Variants in RELN observed in about 807,000 individuals in gnomAD.
The protein encoded by RELN is reelin.
A neutral mutation model predicts 427.6 loss-of-function variants in RELN; 108 were observed. The observed-to-expected ratio is 0.25, with a 90% CI of 0.22 to 0.30. RELN has a LOEUF of 0.30. Among genes scored for constraint, RELN ranks in the 10% least tolerant of loss-of-function variants. The pLI is 1.00. For synonymous variants in RELN, 1,524 were observed against 1,513.4 expected (o/e 1.01, Z -0.16); for missense variants, 3,715 against 4,302.8 (o/e 0.86, Z 3.82).
chr7:103,587,685 G>A (rs1485721206), intron 28 of RELN, among the ~76,000 whole-genome samples: 2 of 151,966 alleles, frequency 1.3e-5, no homozygotes, highest in East Asian at 3.9e-4. Context: ...AACAGCAACA[G>A]AAATAAATAA....
intron 4 of RELN, among the ~76,000 whole-genome samples, chr7:103,774,260 G>A (rs1791680316): frequency 6.9e-6 from 1 of 145,822 alleles, no homozygotes; most frequent in African/African-American, 2.6e-5. Context: ...TTACGTCACT[G>A]CACTCCAGCC....
At chr7:103,711,878 C>CA (rs1157546920) in intron 8 of RELN, among the ~76,000 whole-genome samples, 1 of 152,070 alleles carries the variant, frequency 6.6e-6, no homozygotes, top group Non-Finnish European at 1.5e-5. Context: ...AGGATCGTCT[C>CA]AAACTCCTGG....
intron 1 of RELN, among the ~76,000 whole-genome samples, chr7:103,956,147 C>G (rs141517696): frequency 3.3e-5 from 5 of 152,296 alleles, no homozygotes; most frequent in Non-Finnish European, 5.9e-5. Flanking sequence ...ACTGCTTTAT[C>G]TACATTGCTC....
intron 1 of RELN, 146 bp from the exon 2 acceptor site, chr7:103,917,331 A>G (rs1469753722): frequency 8.7e-6 from 6 of 688,764 alleles, no homozygotes; most frequent in Non-Finnish European, 1.5e-5. Context: ...TTGTATGAGA[A>G]ATTACAGAGG....
chr7:103,750,115 G>A (rs620774), intron 5 of RELN, among the ~76,000 whole-genome samples: 70,696 of 151,958 alleles, frequency 0.47, 17,089 homozygotes, highest in Non-Finnish European at 0.55. Context: ...GAGTAGCTGG[G>A]ATTACAGGTG....
intron 2 of RELN, among the ~76,000 whole-genome samples, chr7:103,916,204 G>C (rs1456150404): frequency 6.6e-6 from 1 of 152,094 alleles, no homozygotes; most frequent in East Asian, 1.9e-4. Context: ...GCTGGGACTT[G>C]ACACTTCATA....
intron 1 of RELN, among the ~76,000 whole-genome samples, chr7:103,977,824 G>T (rs995943452): frequency 2.2e-4 from 33 of 152,174 alleles, no homozygotes; most frequent in African/African-American, 7.7e-4. Context: ...CTGGCAAGCA[G>T]AGTACCCTGA....
At chr7:103,598,092 A>G (rs1346513651) in intron 24 of RELN, among the ~76,000 whole-genome samples, 1 of 152,186 alleles carries the variant, frequency 6.6e-6, no homozygotes, top group Non-Finnish European at 1.5e-5. Context: ...TAATTAAGAA[A>G]GGGTTTCGGT....
intron 2 of RELN, among the ~76,000 whole-genome samples, chr7:103,866,310 A>G (rs570540161): frequency 2.0e-5 from 3 of 152,240 alleles, no homozygotes; most frequent in Middle Eastern, 3.4e-3. Flanking sequence ...TAAAGTTGAG[A>G]AAAACATATC....
intron 6 of RELN, among the ~76,000 whole-genome samples, chr7:103,748,139 GT>G (rs11307252): frequency 0.26 from 34,558 of 135,052 alleles, 4,411 homozygotes; most frequent in East Asian, 0.33. Context: ...ACTTAGAAAG[GT>G]TTTTTTTTTT....
At chr7:103,854,859 C>T (rs1050659382) in intron 2 of RELN, among the ~76,000 whole-genome samples, 1 of 152,082 alleles carries the variant, frequency 6.6e-6, no homozygotes, top group African/African-American at 2.4e-5. Flanking sequence ...GCTAAAGATG[C>T]CCTGAGGGCT....
In RELN at chr7:103,753,169, C is replaced by G. The variant is rs370642982; in HGVS notation, c.577+13G>C. ...GTACTAAAGTTAATGACATCAGAGT[C>G]TTAAACACTTACCTAGATGTGGGTG... On this transcript the variant is annotated intron_variant, in intron 5 of 64. Transcript: ENST00000428762. The G allele has an allele frequency of 1.2e-6, 2 of 1,613,700 alleles. No individual in the cohort carries two copies. The highest frequency in any genetic ancestry group is 1.7e-6 in the Non-Finnish European group (2 of 1,179,724).
At chr7:103,478,504 GCAATATAGGATTTTT>G (rs1828115645) in intron 63 of RELN, 110 bp from the exon 64 acceptor site, 5 of 691,094 alleles carry the variant, frequency 7.2e-6, no homozygotes, top group Middle Eastern at 2.4e-4. Context: ...AGGTTTAGAC[GCAATATAGGATTTTT>G]CATCTCTTTT....
At chr7:103,778,030 T>C (rs1310004257) in intron 3 of RELN, among the ~76,000 whole-genome samples, 2 of 152,216 alleles carry the variant, frequency 1.3e-5, no homozygotes, top group African/African-American at 4.8e-5. Flanking sequence ...CGTCAGCCCT[T>C]GTTGTTGCAT....
At chr7:103,793,358 G>C (rs1172141085) in intron 3 of RELN, among the ~76,000 whole-genome samples, 1 of 152,136 alleles carries the variant, frequency 6.6e-6, no homozygotes, top group Non-Finnish European at 1.5e-5. Context: ...ACCATGTTTT[G>C]ATAAATTAAA....
At chr7:103,484,256 CCATAATTTCCAAGTT>C (rs1192144183) in intron 61 of RELN, 6 of 212,722 alleles carry the variant, frequency 2.8e-5, no homozygotes, top group African/African-American at 1.2e-4. Flanking sequence ...TTCCTAAAGT[CCATAATTTCCAAGTT>C]CATAATATAA....
chr7:103,574,108 C>G lies in RELN; in HGVS notation c.4495G>C (p.Asp1499His), dbSNP rs200428576. ...GKREARTVPL[D>H]TRNIRLVQFY... ...ACTTGTTACCTGATATTCCTGGTGT[C>G]CAGAGGGACCGTCCGGGCTTCCCTT... Residue 1499 changes from aspartate to histidine, a missense_variant, in exon 30 of 65, where the codon GAC becomes CAC. Coordinates refer to ENST00000428762, the MANE Select transcript of RELN (RefSeq NM_005045.4). 1.2e-4 allele frequency: 191 copies of G among 1,613,858 alleles called. No homozygotes were observed. The highest frequency in any genetic ancestry group is 1.4e-4 in the Non-Finnish European group (169 of 1,179,812).
At chr7:103,663,826 C>T (rs954729441) in intron 11 of RELN, among the ~76,000 whole-genome samples, 2 of 152,186 alleles carry the variant, frequency 1.3e-5, no homozygotes, top group Admixed American at 6.5e-5. Context: ...ACTTTAAATG[C>T]CCAAAATATT....
chr7:103,500,621 C>G, intron 53 of RELN, 124 bp downstream of exon 53: 1 of 895,646 alleles, frequency 1.1e-6, no homozygotes, highest in Non-Finnish European at 1.7e-6. Flanking sequence ...AGTTTCTATT[C>G]AAAGGATTTT....
Sources: gnomAD v4.1 joint callset for allele counts (sites outside exome capture counted in the v4.1 genomes callset) on GRCh38, gnomAD v4.1.1 for gene constraint, MANE v1.5 for transcripts, NCBI Gene and HGNC (gene_info 2026-07-23, HGNC 2026-07-21) for gene names.